The following CENPW variants were observed in gnomAD, a reference collection of about 807,000 sequenced individuals.
CENPW encodes the protein cancer-up-regulated gene 2 protein.
Under a neutral mutation model 11.1 loss-of-function variants are expected in CENPW, and 3 were observed. That is an observed-to-expected ratio of 0.27 (90% CI 0.12 to 0.70). The LOEUF (loss-of-function observed/expected upper bound fraction) is 0.70, where lower values mean the gene tolerates loss of function less well. Among genes scored for constraint, CENPW ranks in the 30% least tolerant of loss-of-function variants. CENPW has a pLI of 0.77. For synonymous variants in CENPW, 38 were observed against 42.0 expected (o/e 0.91, Z 0.37); for missense variants, 100 against 105.6 (o/e 0.95, Z 0.23).
the CENPW span, among the ~76,000 whole-genome samples, chr6:126,404,916 A>G: frequency 6.8e-6 from 1 of 147,738 alleles, no homozygotes; most frequent in Admixed American, 6.8e-5. Flanking sequence ...CTTTTGTTGG[A>G]TAAATACTTT....
the CENPW span, among the ~76,000 whole-genome samples, chr6:126,387,248 C>T: frequency 6.6e-6 from 1 of 151,906 alleles, no homozygotes; most frequent in South Asian, 2.1e-4. Context: ...TACATATCTG[C>T]AGGCCAGATC....
the CENPW span, among the ~76,000 whole-genome samples, chr6:126,379,669 TC>T: frequency 2.6e-5 from 4 of 152,138 alleles, no homozygotes; most frequent in African/African-American, 9.7e-5. Flanking sequence ...GCAAATCACT[TC>T]CAGTTGTACA....
At chr6:126,360,810 C>G in the CENPW span, among the ~76,000 whole-genome samples, 2 of 152,044 alleles carry the variant, frequency 1.3e-5, no homozygotes, top group African/African-American at 4.8e-5. Context: ...TTTCATCTTT[C>G]AGCTCTTGGA....
the CENPW span, among the ~76,000 whole-genome samples, chr6:126,455,964 A>C: frequency 5.4e-3 from 812 of 151,112 alleles, 9 homozygotes; most frequent in African/African-American, 0.018. Context: ...ATGCAACCTC[A>C]TTTACAACAG....
chr6:126,434,791 G>C, the CENPW span, among the ~76,000 whole-genome samples: 1 of 152,006 alleles, frequency 6.6e-6, no homozygotes, highest in Non-Finnish European at 1.5e-5. Flanking sequence ...CAGTTGACCA[G>C]TCTGTTTCTG....
the CENPW span, among the ~76,000 whole-genome samples, chr6:126,420,129 T>G: frequency 1.4e-4 from 22 of 152,234 alleles, no homozygotes; most frequent in African/African-American, 5.3e-4. Context: ...ATATTTAAGC[T>G]GAGATCCACA....
the CENPW span, among the ~76,000 whole-genome samples, chr6:126,430,672 G>C: frequency 6.6e-6 from 1 of 152,072 alleles, no homozygotes; most frequent in Non-Finnish European, 1.5e-5. Context: ...TTGACTCCTG[G>C]CTGGGTGCGG....
chr6:126,397,691 A>G, the CENPW span, among the ~76,000 whole-genome samples: 1 of 152,192 alleles, frequency 6.6e-6, no homozygotes, highest in African/African-American at 2.4e-5. Flanking sequence ...AAATACACAC[A>G]TGCTTATATC....
the CENPW span, among the ~76,000 whole-genome samples, chr6:126,460,927 A>G: frequency 6.6e-6 from 1 of 151,918 alleles, no homozygotes; most frequent in African/African-American, 2.4e-5. Context: ...CTGTGTCACT[A>G]GACAGGGGAT....
the CENPW span, among the ~76,000 whole-genome samples, chr6:126,384,146 T>C: frequency 2.0e-5 from 3 of 152,058 alleles, no homozygotes; most frequent in Non-Finnish European, 4.4e-5. Flanking sequence ...TGCTCCTGAG[T>C]GACTTTCAAG....
the CENPW span, among the ~76,000 whole-genome samples, chr6:126,478,981 A>T: frequency 6.6e-6 from 1 of 151,908 alleles, no homozygotes; most frequent in Non-Finnish European, 1.5e-5. Flanking sequence ...CTTCTCATAT[A>T]CCTCCTACCA....
At chr6:126,470,466 T>C in the CENPW span, among the ~76,000 whole-genome samples, 12 of 152,144 alleles carry the variant, frequency 7.9e-5, no homozygotes, top group African/African-American at 2.7e-4. Flanking sequence ...GCTTCAGGGG[T>C]GGAGCCCTGA....
At chr6:126,448,139 A>ATCC in the CENPW span, among the ~76,000 whole-genome samples, 1 of 151,156 alleles carries the variant, frequency 6.6e-6, no homozygotes, top group Non-Finnish European at 1.5e-5. Flanking sequence ...TCATCCTTAG[A>ATCC]CAGGTAGCAT....
the CENPW span, among the ~76,000 whole-genome samples, chr6:126,398,807 C>T: frequency 4.6e-5 from 7 of 151,066 alleles, no homozygotes; most frequent in Non-Finnish European, 7.4e-5. Context: ...CAACCCTTGC[C>T]CTCCTTTTCC....
chr6:126,437,576 G>T, the CENPW span, among the ~76,000 whole-genome samples: 1 of 151,824 alleles, frequency 6.6e-6, no homozygotes, highest in Non-Finnish European at 1.5e-5. Flanking sequence ...GTCTACAAAT[G>T]GAAATAAGTT....
chr6:126,477,107 T>C, the CENPW span, among the ~76,000 whole-genome samples: 1 of 151,920 alleles, frequency 6.6e-6, no homozygotes, highest in Non-Finnish European at 1.5e-5. Context: ...TCAGAGAAAA[T>C]TCAAGTCTAC....
chr6:126,352,027 G>C (rs886495649), downstream of CENPW, among the ~76,000 whole-genome samples: 5 of 152,182 alleles, frequency 3.3e-5, no homozygotes, highest in South Asian at 8.3e-4. Context: ...TTCTATTTAG[G>C]TGGGAGCTGA....
chr6:126,393,862 C>T, the CENPW span, among the ~76,000 whole-genome samples: 2 of 151,260 alleles, frequency 1.3e-5, no homozygotes, highest in Non-Finnish European at 3.0e-5. Context: ...GCTATATTGA[C>T]TCCTTTATCA....
the CENPW span, among the ~76,000 whole-genome samples, chr6:126,367,416 T>A: frequency 6.0e-5 from 9 of 149,358 alleles, no homozygotes; most frequent in South Asian, 1.1e-3. Flanking sequence ...GGATCAGAAA[T>A]CCTTCCTGAT....
Sources: allele counts gnomAD v4.1 joint callset (sites outside exome capture counted in the v4.1 genomes callset), GRCh38; gene constraint gnomAD v4.1.1; transcripts MANE v1.5; gene names NCBI Gene and HGNC (gene_info 2026-07-23, HGNC 2026-07-21).